HCN1: variants seen among roughly 807,000 people sequenced by gnomAD.
HCN1 encodes hyperpolarization activated cyclic nucleotide gated potassium channel 1.
Under a neutral mutation model 78.9 loss-of-function variants are expected in HCN1, and 13 were observed. The ratio of observed to expected loss-of-function variants is 0.16; its 90% confidence interval spans 0.11 to 0.26. The LOEUF is 0.26. HCN1 is among the 10% of genes least tolerant of loss of function. HCN1 has a pLI of 1.00. For missense variants in HCN1, 810 were observed against 1,154.3 expected (o/e 0.70, Z 4.32); for synonymous variants, 552 against 455.5 (o/e 1.21, Z -2.70).
chr5:45,625,419 C>T (rs1745144666), intron 2 of HCN1, among the ~76,000 whole-genome samples: 1 of 152,110 alleles, frequency 6.6e-6, no homozygotes, highest in Non-Finnish European at 1.5e-5. Flanking sequence ...TAGGGCACCC[C>T]AGTCCCCAGG....
Position 45,261,650 on chromosome 5 carries a change from C to A in HCN1, c.*271G>T, listed in dbSNP as rs1744737266. 7.7e-6 allele frequency: 2 copies of A among 261,368 alleles called. No individual in the cohort carries two copies. The highest frequency in any genetic ancestry group is 1.5e-5 in the Non-Finnish European group (2 of 136,620). 16.2% of individuals were successfully genotyped at this position (261,368 alleles called of 1,614,324 possible). A position where few individuals can be genotyped will look rare whatever the true frequency, so the allele number is the denominator to read the frequency against. ...AGTAGGTTAGAAATAAATAATCTTA[C>A]AACGACATTTTAAATCCTTTAATGA... On this transcript the variant is annotated 3_prime_UTR_variant, in exon 8 of 8. Transcript: ENST00000303230.
intron 2 of HCN1, among the ~76,000 whole-genome samples, chr5:45,525,244 ATTAT>A (rs1554030859): frequency 6.6e-6 from 1 of 151,950 alleles, no homozygotes; most frequent in Non-Finnish European, 1.5e-5. Context: ...TGAGAAAAAA[ATTAT>A]TTAAGACAAT....
At chr5:45,502,285 T>A (rs1276965239) in intron 2 of HCN1, among the ~76,000 whole-genome samples, 1 of 150,856 alleles carries the variant, frequency 6.6e-6, no homozygotes, top group African/African-American at 2.4e-5. Flanking sequence ...CTGATCAACA[T>A]GGTGAAACCC....
At chr5:45,387,562 C>G (rs923629613) in intron 4 of HCN1, among the ~76,000 whole-genome samples, 1 of 152,094 alleles carries the variant, frequency 6.6e-6, no homozygotes, top group East Asian at 1.9e-4. Flanking sequence ...AAATAAGACA[C>G]GGTGTATAAG....
chr5:45,473,065 C>T (rs893419316), intron 2 of HCN1, among the ~76,000 whole-genome samples: 10 of 151,888 alleles, frequency 6.6e-5, no homozygotes, highest in African/African-American at 2.4e-4. Context: ...CTTTTCCTTG[C>T]TCATCATCAC....
At chr5:45,352,403 T>C (rs1027270710) in intron 5 of HCN1, among the ~76,000 whole-genome samples, 1 of 151,768 alleles carries the variant, frequency 6.6e-6, no homozygotes, top group African/African-American at 2.4e-5. Context: ...AGGGATAGCA[T>C]TAGGAGATAT....
At chr5:45,276,409 T>A (rs778050261) in intron 6 of HCN1, among the ~76,000 whole-genome samples, 2 of 152,140 alleles carry the variant, frequency 1.3e-5, no homozygotes, top group African/African-American at 4.8e-5. Flanking sequence ...TGGAGTGGGA[T>A]GAAAGAATCT....
intron 2 of HCN1, among the ~76,000 whole-genome samples, chr5:45,596,629 C>G (rs1011368406): frequency 6.6e-6 from 1 of 152,142 alleles, no homozygotes; most frequent in Non-Finnish European, 1.5e-5. Flanking sequence ...TATAATTTCT[C>G]CCTGTCAAAT....
chr5:45,380,740 T>C (rs933135342), intron 4 of HCN1, among the ~76,000 whole-genome samples: 17 of 152,120 alleles, frequency 1.1e-4, no homozygotes, highest in South Asian at 4.1e-4. Flanking sequence ...CATTACACAC[T>C]ATAGAAAAAG....
intron 2 of HCN1, among the ~76,000 whole-genome samples, chr5:45,493,341 A>G (rs1341486156): frequency 1.3e-5 from 2 of 152,038 alleles, no homozygotes; most frequent in East Asian, 3.8e-4. Context: ...AACTTATCTT[A>G]TACTCTAACA....
intron 2 of HCN1, among the ~76,000 whole-genome samples, chr5:45,584,488 G>A (rs1031004676): frequency 7.2e-5 from 11 of 151,786 alleles, no homozygotes; most frequent in African/African-American, 2.7e-4. Flanking sequence ...TATCCAATTT[G>A]CCAGTCTGTG....
chr5:45,430,587 T>G (rs2112076569), intron 3 of HCN1, among the ~76,000 whole-genome samples: 1 of 152,260 alleles, frequency 6.6e-6, no homozygotes, highest in Admixed American at 6.5e-5. Context: ...GATAATGCCT[T>G]GGGCTCCATG....
intron 2 of HCN1, among the ~76,000 whole-genome samples, chr5:45,625,939 T>C (rs1253535855): frequency 1.3e-5 from 2 of 152,198 alleles, no homozygotes; most frequent in Non-Finnish European, 2.9e-5. Flanking sequence ...TTTGGGATGA[T>C]ACAGGCAAAA....
chr5:45,624,435 T>C (rs1229606114), intron 2 of HCN1, among the ~76,000 whole-genome samples: 3 of 152,130 alleles, frequency 2.0e-5, no homozygotes, highest in Non-Finnish European at 4.4e-5. Context: ...ATCAGTGGAA[T>C]AGAATGGACT....
intron 2 of HCN1, among the ~76,000 whole-genome samples, chr5:45,613,151 C>T (rs1394433381): frequency 8.7e-6 from 1 of 115,368 alleles, no homozygotes; most frequent in African/African-American, 3.3e-5. Context: ...CTATCCCTCC[C>T]CCCTCCCCCC....
intron 2 of HCN1, among the ~76,000 whole-genome samples, chr5:45,590,659 G>C (rs895728950): frequency 3.3e-5 from 5 of 152,056 alleles, no homozygotes; most frequent in Non-Finnish European, 5.9e-5. Flanking sequence ...CCACAAACCT[G>C]TGGAAACCAC....
rs1554039397 is a variant in HCN1, at chr5:45,682,276, T to TATATATATAC, written c.425+13392_425+13393insGTATATATAT. ...GATATCATATATATATATATACATA[T>TATATATATAC]ATATATATATATACACATATATATA... On this transcript the variant is annotated intron_variant, in intron 1 of 7. Transcript: ENST00000303230. Among the ~76,000 whole-genome samples, 198 of 112,618 alleles carry TATATATATAC rather than the reference T, an allele frequency of 1.8e-3. 1 individual carries two copies. Among genetic ancestry groups the TATATATATAC allele is most frequent in the African/African-American group, 7.0e-3 (195 of 27,684 alleles). 73.9% of individuals were successfully genotyped at this position (112,618 alleles called of 152,430 possible).
chr5:45,308,980 G>A (rs1287422862), intron 5 of HCN1, among the ~76,000 whole-genome samples: 4 of 152,090 alleles, frequency 2.6e-5, no homozygotes, highest in Non-Finnish European at 5.9e-5. Context: ...TAACAATATT[G>A]ATTCTTCTTA....
At chr5:45,429,952 A>T (rs2112075907) in intron 3 of HCN1, among the ~76,000 whole-genome samples, 1 of 152,126 alleles carries the variant, frequency 6.6e-6, no homozygotes, top group South Asian at 2.1e-4. Context: ...GATATCAAAG[A>T]TGGATTTTTT....
Sources: gnomAD v4.1 joint callset for allele counts (sites outside exome capture counted in the v4.1 genomes callset) on GRCh38, gnomAD v4.1.1 for gene constraint, MANE v1.5 for transcripts, NCBI Gene and HGNC (gene_info 2026-07-23, HGNC 2026-07-21) for gene names.